CDCA8: variants seen among roughly 807,000 people sequenced by gnomAD.
CDCA8 encodes the protein cell division cycle associated 8.
CDCA8 carries 25 observed loss-of-function variants against 40.0 expected under a neutral mutation model. That is an observed-to-expected ratio of 0.63 (90% CI 0.46 to 0.87). CDCA8 has a LOEUF of 0.87. Ranked by LOEUF, CDCA8 falls within the 40% of genes least tolerant of loss-of-function variation. CDCA8 has a pLI of 0.00. For missense variants in CDCA8, 280 were observed against 348.4 expected (o/e 0.80, Z 1.56); for synonymous variants, 111 against 126.5 (o/e 0.88, Z 0.82).
intron 7 of CDCA8, 55 bp downstream of exon 7, chr1:37,703,402 C>A: frequency 7.9e-7 from 1 of 1,268,016 alleles, no homozygotes; most frequent in Non-Finnish European, 1.2e-6. Context: ...TGAGCACTAC[C>A]CAGAGAAGGA....
intron 3 of CDCA8, among the ~76,000 whole-genome samples, chr1:37,698,212 G>A (rs533688643): frequency 1.3e-5 from 2 of 152,286 alleles, no homozygotes; most frequent in Non-Finnish European, 1.5e-5. Context: ...TGTAGTCAAG[G>A]GTAACCACTT....
At chr1:37,708,243 T>C in intron 9 of CDCA8, 79 bp from the exon 10 acceptor site, 1 of 1,251,348 alleles carries the variant, frequency 8.0e-7, no homozygotes, top group Non-Finnish European at 1.2e-6. Context: ...ATGGAGGGGC[T>C]CAGGCTGACT....
At chr1:37,702,951 CAAAA>C (rs35993657) in intron 6 of CDCA8, among the ~76,000 whole-genome samples, 1 of 128,528 alleles carries the variant, frequency 7.8e-6, no homozygotes, top group Non-Finnish European at 1.7e-5. Flanking sequence ...GACTCCGTCT[CAAAA>C]AAAAAAAAAA....
intron 7 of CDCA8, among the ~76,000 whole-genome samples, chr1:37,704,936 C>T (rs779754136): frequency 9.2e-5 from 14 of 152,176 alleles, no homozygotes; most frequent in African/African-American, 1.9e-4. Flanking sequence ...GTATGAGCCA[C>T]GGCACTCAGC....
Position 37,700,529 on chromosome 1 carries a change from G to T in CDCA8, c.423+8G>T, listed in dbSNP as rs1477031954. On this transcript the variant is annotated splice_region_variant and intron_variant, in intron 5 of 9. Coordinates refer to ENST00000373055, the MANE Select transcript of CDCA8 (RefSeq NM_001256875.2). Reference sequence around the variant, plus strand: ...AATCTTCAAACTGCAAGAGTAAGTGGACACTGAGGTTGGAGGCTGGGGGTT... The same window carrying T: ...AATCTTCAAACTGCAAGAGTAAGTGTACACTGAGGTTGGAGGCTGGGGGTT... 1 of 1,567,072 alleles carries T rather than the reference G, an allele frequency of 6.4e-7. No individual in the cohort carries two copies. The highest frequency in any genetic ancestry group is 1.7e-5 in the Admixed American group (1 of 59,942).
intron 6 of CDCA8, 96 bp downstream of exon 6, chr1:37,701,914 C>T: frequency 2.2e-6 from 2 of 905,348 alleles, no homozygotes; most frequent in Non-Finnish European, 3.6e-6. Flanking sequence ...GCTCTGGTGG[C>T]TAGTGTTTGA....
chr1:37,706,310 A>G (rs549710874), intron 8 of CDCA8, among the ~76,000 whole-genome samples: 2 of 151,686 alleles, frequency 1.3e-5, no homozygotes, highest in East Asian at 3.9e-4. Context: ...GTTTCACCAT[A>G]TTGGTCAAGC....
chr1:37,699,657 C>T (rs1350000334), intron 4 of CDCA8, among the ~76,000 whole-genome samples: 1 of 152,032 alleles, frequency 6.6e-6, no homozygotes, highest in Non-Finnish European at 1.5e-5. Context: ...TGGTGGCTCA[C>T]GCCTGTAATC....
At chr1:37,699,692 G>A (rs1478461592) in intron 4 of CDCA8, among the ~76,000 whole-genome samples, 1 of 152,202 alleles carries the variant, frequency 6.6e-6, no homozygotes, top group Non-Finnish European at 1.5e-5. Flanking sequence ...GGCCGAGGTG[G>A]GTGGATCACG....
intron 2 of CDCA8, among the ~76,000 whole-genome samples, chr1:37,694,416 C>T: frequency 6.6e-6 from 1 of 152,192 alleles, no homozygotes; most frequent in East Asian, 1.9e-4. Flanking sequence ...GAGCATGTGT[C>T]AGTCACAGTG....
intron 7 of CDCA8, among the ~76,000 whole-genome samples, chr1:37,705,009 G>A (rs143137868): frequency 7.7e-4 from 117 of 152,266 alleles, no homozygotes; most frequent in Non-Finnish European, 1.3e-3. Flanking sequence ...GGCATTTAGG[G>A]AAAACTAGGT....
chr1:37,700,528 G>A lies in CDCA8; in HGVS notation c.423+7G>A. 6.4e-7 allele frequency: 1 copy of A among 1,564,920 alleles called. No homozygotes were observed. Among genetic ancestry groups the A allele is most frequent in the South Asian group, 1.1e-5 (1 of 89,916 alleles). On this transcript the variant is annotated splice_region_variant and intron_variant, in intron 5 of 9. Coordinates refer to ENST00000373055, the MANE Select transcript of CDCA8 (RefSeq NM_001256875.2). ...GAATCTTCAAACTGCAAGAGTAAGT[G>A]GACACTGAGGTTGGAGGCTGGGGGT...
At chr1:37,694,014 C>G (rs1199061177) in intron 2 of CDCA8, among the ~76,000 whole-genome samples, 3 of 152,180 alleles carry the variant, frequency 2.0e-5, no homozygotes, top group Admixed American at 2.0e-4. Context: ...GTGGCGCATA[C>G]CTCTAATCCC....
Position 37,708,819 on chromosome 1 carries a change from A to G in CDCA8, c.*453A>G. The G allele has an allele frequency of 4.1e-6, 1 of 243,384 alleles. No individual in the cohort carries two copies. The highest frequency in any genetic ancestry group is 6.1e-5 in the South Asian group (1 of 16,332). 15.1% of individuals were successfully genotyped at this position (243,384 alleles called of 1,614,324 possible). ...TTGAGACCGGGAGGTTTAGGCTCAG[A>G]TAAGTGAGCTCTGGGCCATGAGAGG... On this transcript the variant is annotated 3_prime_UTR_variant, in exon 10 of 10. Transcript: ENST00000373055.
rs1275159309 is a variant in CDCA8 at position 37,696,082 on chromosome 1, T to C, written c.264+132T>C. ...CATCTGTTTGTGTCAACTGAAAAAT[T>C]AGAGTTGGACCAGACACTGTATACA... On this transcript the variant is annotated intron_variant, in intron 3 of 9. Transcript: ENST00000373055. The surrounding 1 kb of genome is among the most constrained non-coding windows in gnomAD (Gnocchi z 5.0). 1.3e-6 allele frequency: 1 copy of C among 779,972 alleles called. No individual in the cohort carries two copies. The highest frequency in any genetic ancestry group is 2.2e-6 in the Non-Finnish European group (1 of 463,588). The allele number at this position is 779,972 out of a possible 1,614,324, so 48.3% of individuals were successfully genotyped here.
At position 37,696,768 on chromosome 1, in the gene CDCA8, CT is replaced by C. The variant is rs1446743348; in HGVS notation, c.264+822del. Among the ~76,000 whole-genome samples, 2 of 152,170 alleles carry C rather than the reference CT, an allele frequency of 1.3e-5. No homozygotes were observed. Among genetic ancestry groups the C allele is most frequent in the Non-Finnish European group, 2.9e-5 (2 of 68,040 alleles). On this transcript the variant is annotated intron_variant, in intron 3 of 9. Transcript: ENST00000373055. This position sits in a 1 kb window ranked among gnomAD's most constrained non-coding sequence, Gnocchi z 5.0. ...TACAAAGTAAACCCCAAAATTACAT[CT>C]TTTGTTGAGTTGATCAGAATCATTT... is the stretch of plus-strand genomic sequence containing the variant.
At chr1:37,703,159 A>G (rs922073820) in intron 6 of CDCA8, 93 bp from the exon 7 acceptor site, 2 of 957,052 alleles carry the variant, frequency 2.1e-6, no homozygotes, top group East Asian at 2.4e-5. Flanking sequence ...CCGGAGCAGT[A>G]TCTCACAGTC....
rs1270658043 is a variant in CDCA8, at chr1:37,708,507, G to A, written c.*141G>A. On this transcript the variant is annotated 3_prime_UTR_variant, in exon 10 of 10. Coordinates refer to ENST00000373055, the MANE Select transcript of CDCA8 (RefSeq NM_001256875.2). ...TCTAAGGGAATTCAGGAATTCAGAC[G>A]TGCTAGTCCCACACCAGTTAGGTAG... 13 of 786,158 alleles carry A rather than the reference G, an allele frequency of 1.7e-5. No homozygotes were observed. The highest frequency in any genetic ancestry group is 3.0e-5 in the South Asian group (2 of 66,156). The allele number at this position is 786,158 out of a possible 1,614,324, so 48.7% of individuals were successfully genotyped here.
At chr1:37,703,110 G>C (rs534942068) in intron 6 of CDCA8, 142 bp from the exon 7 acceptor site, 4 of 712,656 alleles carry the variant, frequency 5.6e-6, no homozygotes, top group Non-Finnish European at 1.0e-5. Context: ...CTGGCCTCCC[G>C]TGTTAGAAGG....
Sources: gnomAD v4.1 joint callset for allele counts (sites outside exome capture counted in the v4.1 genomes callset) on GRCh38, gnomAD v4.1.1 for gene constraint, Gnocchi (gnomAD v3.1) non-coding constraint, MANE v1.5 for transcripts, NCBI Gene and HGNC (gene_info 2026-07-23, HGNC 2026-07-21) for gene names.